The following KCNB2 variants were observed in gnomAD, a reference collection of about 807,000 sequenced individuals.
The protein encoded by KCNB2 is potassium voltage-gated channel subfamily B member 2, also known as delayed rectifier potassium channel protein.
Under a neutral mutation model 61.5 loss-of-function variants are expected in KCNB2, and 15 were observed. That is an observed-to-expected ratio of 0.24 (90% CI 0.16 to 0.38). The LOEUF (loss-of-function observed/expected upper bound fraction) is 0.38. KCNB2 is among the 10% of genes least tolerant of loss of function. The pLI is 1.00. For synonymous variants in KCNB2, 457 were observed against 446.0 expected, an observed-to-expected ratio of 1.02 and a Z score of -0.31; for missense variants, 828 against 1,125.2, an observed-to-expected ratio of 0.74 and a Z score of 3.78.
chr8:72,768,297 C>T (rs1481852601), intron 2 of KCNB2, among the ~76,000 whole-genome samples: 1 of 152,070 alleles, frequency 6.6e-6, no homozygotes, highest in Non-Finnish European at 1.5e-5. Flanking sequence ...CCTCACCCTC[C>T]TGAGTAGCTG....
chr8:72,748,060 G>A (rs1211716706), intron 2 of KCNB2, among the ~76,000 whole-genome samples: 2 of 152,084 alleles, frequency 1.3e-5, no homozygotes, highest in Non-Finnish European at 2.9e-5. Flanking sequence ...AAACAGGGTG[G>A]TACCCACAGA....
chr8:72,845,683 C>T (rs954869021), intron 2 of KCNB2, among the ~76,000 whole-genome samples: 1 of 152,196 alleles, frequency 6.6e-6, no homozygotes, highest in Non-Finnish European at 1.5e-5. Flanking sequence ...GCAGCTTTGC[C>T]GAGCTGCAGT....
chr8:72,821,334 G>T (rs1026039396), intron 2 of KCNB2, among the ~76,000 whole-genome samples: 1 of 152,010 alleles, frequency 6.6e-6, no homozygotes, highest in South Asian at 2.1e-4. Context: ...ATGTGCTAAC[G>T]CATGACTAAA....
At chr8:72,835,741 G>T (rs190698578) in intron 2 of KCNB2, among the ~76,000 whole-genome samples, 1 of 152,012 alleles carries the variant, frequency 6.6e-6, no homozygotes, top group Admixed American at 6.6e-5. Context: ...GAGTAAATCA[G>T]ATTGAAAATC....
chr8:72,908,577 G>A (rs1159525106), intron 2 of KCNB2, among the ~76,000 whole-genome samples: 4 of 152,170 alleles, frequency 2.6e-5, no homozygotes, highest in Non-Finnish European at 5.9e-5. Flanking sequence ...AGCATAGCTG[G>A]GCAGGGAAAG....
chr8:72,596,661 A>C (rs563460179), intron 2 of KCNB2, among the ~76,000 whole-genome samples: 1 of 152,346 alleles, frequency 6.6e-6, no homozygotes, highest in Non-Finnish European at 1.5e-5. Context: ...GAGGATTTTC[A>C]GTGATAATTT....
chr8:72,789,336 C>G (rs927823444), intron 2 of KCNB2, among the ~76,000 whole-genome samples: 1 of 152,082 alleles, frequency 6.6e-6, no homozygotes, highest in Non-Finnish European at 1.5e-5. Context: ...AGCAATAGAC[C>G]TTAGGTGAGA....
At chr8:72,614,427 A>G (rs946798866) in intron 2 of KCNB2, among the ~76,000 whole-genome samples, 4 of 152,198 alleles carry the variant, frequency 2.6e-5, no homozygotes, top group African/African-American at 4.8e-5. Context: ...GTAAAGGTAG[A>G]CAAGGTTTTT....
intron 2 of KCNB2, among the ~76,000 whole-genome samples, chr8:72,731,036 G>C (rs1807730035): frequency 6.6e-6 from 1 of 152,180 alleles, no homozygotes; most frequent in South Asian, 2.1e-4. Context: ...CTAAGGGCTA[G>C]GAAATGATTG....
At chr8:72,582,012 C>T (rs969743648) in intron 2 of KCNB2, among the ~76,000 whole-genome samples, 1 of 152,124 alleles carries the variant, frequency 6.6e-6, no homozygotes, top group African/African-American at 2.4e-5. Flanking sequence ...TTCAACCATC[C>T]ACCCTTTACA....
At chr8:72,590,001 T>C (rs1276174037) in intron 2 of KCNB2, among the ~76,000 whole-genome samples, 1 of 152,152 alleles carries the variant, frequency 6.6e-6, no homozygotes, top group African/African-American at 2.4e-5. Flanking sequence ...ATTTTTACAG[T>C]GTATGTGTAG....
intron 2 of KCNB2, among the ~76,000 whole-genome samples, chr8:72,723,004 C>T (rs937246634): frequency 6.6e-6 from 1 of 152,308 alleles, no homozygotes; most frequent in African/African-American, 2.4e-5. Flanking sequence ...CTGAGAAGAG[C>T]CAACCTCCCT....
At chr8:72,570,428 A>G (rs1363187430) in intron 2 of KCNB2, among the ~76,000 whole-genome samples, 1 of 152,146 alleles carries the variant, frequency 6.6e-6, no homozygotes, top group Non-Finnish European at 1.5e-5. Context: ...AATATTATGG[A>G]AAGTATTTAC....
intron 2 of KCNB2, among the ~76,000 whole-genome samples, chr8:72,934,338 CA>C (rs1359668276): frequency 1.4e-4 from 20 of 148,022 alleles, no homozygotes; most frequent in African/African-American, 4.5e-4. Context: ...GCTGAGATTG[CA>C]CCACTGCACT....
chr8:72,582,137 T>C (rs750173166), intron 2 of KCNB2, among the ~76,000 whole-genome samples: 4 of 152,204 alleles, frequency 2.6e-5, no homozygotes, highest in Non-Finnish European at 5.9e-5. Context: ...AGCAGACTTA[T>C]TACTTACAGA....
At chr8:72,898,835 C>T (rs1445805871) in intron 2 of KCNB2, among the ~76,000 whole-genome samples, 1 of 152,046 alleles carries the variant, frequency 6.6e-6, no homozygotes, top group Non-Finnish European at 1.5e-5. Context: ...TTTCCATTGT[C>T]CCCATCTTTA....
intron 2 of KCNB2, among the ~76,000 whole-genome samples, chr8:72,750,052 A>G (rs962387501): frequency 6.6e-6 from 1 of 151,796 alleles, no homozygotes; most frequent in Non-Finnish European, 1.5e-5. Flanking sequence ...ACAGACTTAA[A>G]CTACATACTC....
intron 2 of KCNB2, chr8:72,732,164 G>C (rs911330055): frequency 3.9e-5 from 6 of 152,260 alleles, no homozygotes; most frequent in African/African-American, 1.4e-4. Flanking sequence ...GGCCTTGGGA[G>C]TTGAGCTGTC....
At chr8:72,559,195 G>A (rs1806473496) in intron 1 of KCNB2, among the ~76,000 whole-genome samples, 1 of 151,736 alleles carries the variant, frequency 6.6e-6, no homozygotes, top group South Asian at 2.1e-4. Context: ...CCCCAGGATG[G>A]AGTGCAGTGA....
Sources: gnomAD v4.1 joint callset for allele counts (sites outside exome capture counted in the v4.1 genomes callset) on GRCh38, gnomAD v4.1.1 for gene constraint, MANE v1.5 for transcripts, NCBI Gene and HGNC (gene_info 2026-07-23, HGNC 2026-07-21) for gene names.